The following BTBD10 variants were observed in gnomAD, a reference collection of about 807,000 sequenced individuals.
BTBD10 encodes the protein BTB/POZ domain-containing protein 10.
BTBD10 carries 21 observed loss-of-function variants against 53.2 expected under a neutral mutation model. That is an observed-to-expected ratio of 0.39 (90% CI 0.28 to 0.57). The LOEUF is 0.57. Ranked by LOEUF, BTBD10 falls within the 20% of genes least tolerant of loss-of-function variation. The pLI is 0.53. For synonymous variants in BTBD10, 149 were observed against 192.7 expected (o/e 0.77, Z 1.88); for missense variants, 360 against 594.7 (o/e 0.61, Z 4.10).
chr11:13,435,721 G>GAC (rs2134009344), intron 2 of BTBD10, among the ~76,000 whole-genome samples: 1 of 152,230 alleles, frequency 6.6e-6, no homozygotes, highest in Non-Finnish European at 1.5e-5. Flanking sequence ...TTGAACTCCT[G>GAC]ACCTTGTGAT....
chr11:13,413,355 AAGG>A (rs1182754794), intron 6 of BTBD10, among the ~76,000 whole-genome samples, 172 bp downstream of exon 6: 1 of 152,220 alleles, frequency 6.6e-6, no homozygotes, highest in Non-Finnish European at 1.5e-5. Flanking sequence ...AAAATTGCAC[AAGG>A]AGATCATCAA....
intron 4 of BTBD10, among the ~76,000 whole-genome samples, chr11:13,418,996 G>C (rs1293994774): frequency 1.2e-5 from 1 of 80,614 alleles, no homozygotes; most frequent in African/African-American, 4.7e-5. Flanking sequence ...TTTTTTAAAA[G>C]TATCTACATC....
Position 13,389,032 on chromosome 11 carries a change from T to C in BTBD10, c.1227A>G (p.Glu409=), listed in dbSNP as rs144141685. The C allele has an allele frequency of 3.0e-5, 48 of 1,613,950 alleles. No homozygotes were observed. In the African/African-American group the frequency reaches 6.3e-4, roughly 21 times the overall value. ...PFIRMSWEKE[E]GKSRHVDFQC... Reference sequence around the variant, plus strand: ...GAAAGTCTACATGCCGACTCTTTCCTTCTTCCTTCTCCCAGGACATTCGAA... The same window carrying C: ...GAAAGTCTACATGCCGACTCTTTCCCTCTTCCTTCTCCCAGGACATTCGAA... The change falls in exon 9 of 9, where the codon GAA becomes GAG. Residue 409 remains glutamate (E), a synonymous_variant. Coordinates refer to ENST00000278174, the MANE Select transcript of BTBD10 (RefSeq NM_032320.7).
intron 2 of BTBD10, among the ~76,000 whole-genome samples, chr11:13,430,945 T>C (rs1950435457): frequency 6.8e-6 from 1 of 147,978 alleles, no homozygotes; most frequent in Non-Finnish European, 1.5e-5. Context: ...CTCATTATCC[T>C]AATTATGGTA....
chr11:13,421,797 T>C lies in BTBD10; in HGVS notation c.143A>G (p.Lys48Arg). 1 of 1,613,896 alleles carries C rather than the reference T, an allele frequency of 6.2e-7. No individual in the cohort carries two copies. The highest frequency in any genetic ancestry group is 8.5e-7 in the Non-Finnish European group (1 of 1,179,882). Residue 48 changes from lysine to arginine, a missense_variant, in exon 3 of 9, where the codon AAA becomes AGA. Lys to Arg is a conservative substitution (Grantham distance 26). Coordinates refer to ENST00000278174, the MANE Select transcript of BTBD10 (RefSeq NM_032320.7). ...RIAKGGVDHT[K>R]MSLHGASGGH... ...CCCACTAGCACCATGTAGACTCATTTTGGTGTGGTCAACTCCTCCTTTAGC... is the reference window on the plus strand; with the variant it reads ...CCCACTAGCACCATGTAGACTCATTCTGGTGTGGTCAACTCCTCCTTTAGC...
intron 1 of BTBD10, chr11:13,462,620 A>G (rs1951124621): frequency 6.6e-6 from 1 of 152,236 alleles, no homozygotes; most frequent in South Asian, 2.1e-4. Flanking sequence ...ACAAAGCTTT[A>G]CCACACGTAA....
intron 6 of BTBD10, among the ~76,000 whole-genome samples, chr11:13,412,395 G>A (rs1022268209): frequency 1.6e-4 from 25 of 152,134 alleles, no homozygotes; most frequent in African/African-American, 6.0e-4. Flanking sequence ...AGAGGTTGCA[G>A]TGAGCTGAGA....
intron 4 of BTBD10, among the ~76,000 whole-genome samples, chr11:13,418,629 T>C (rs1212069530): frequency 6.6e-6 from 1 of 152,096 alleles, no homozygotes; most frequent in Non-Finnish European, 1.5e-5. Flanking sequence ...CAAAAATGTA[T>C]GCAATATCAC....
intron 1 of BTBD10, among the ~76,000 whole-genome samples, chr11:13,461,988 T>C (rs1395478616): frequency 6.6e-6 from 1 of 152,030 alleles, no homozygotes; most frequent in Non-Finnish European, 1.5e-5. Context: ...TCCCAAGTAT[T>C]TTCTACTGCT....
At chr11:13,456,105 T>C (rs1950962272) in intron 1 of BTBD10, among the ~76,000 whole-genome samples, 1 of 152,176 alleles carries the variant, frequency 6.6e-6, no homozygotes. Context: ...AAAGAAACAT[T>C]TTACACATCT....
At chr11:13,427,142 C>T (rs1218462853) in intron 2 of BTBD10, among the ~76,000 whole-genome samples, 1 of 152,000 alleles carries the variant, frequency 6.6e-6, no homozygotes, top group Admixed American at 6.6e-5. Context: ...ACTTGAGCCT[C>T]GGAGGTCAAG....
chr11:13,401,614 T>C (rs1010393694), intron 8 of BTBD10, among the ~76,000 whole-genome samples: 1 of 152,178 alleles, frequency 6.6e-6, no homozygotes, highest in African/African-American at 2.4e-5. Flanking sequence ...TAATATTTGA[T>C]TATCACAACT....
intron 8 of BTBD10, among the ~76,000 whole-genome samples, chr11:13,401,747 G>A (rs1949719550): frequency 6.6e-6 from 1 of 152,160 alleles, no homozygotes; most frequent in South Asian, 2.1e-4. Context: ...GAAAGGCTGA[G>A]GGACTTACCT....
intron 8 of BTBD10, among the ~76,000 whole-genome samples, chr11:13,390,290 G>A (rs879789335): frequency 6.6e-6 from 1 of 152,040 alleles, no homozygotes; most frequent in Non-Finnish European, 1.5e-5. Context: ...TTTTCACTCT[G>A]CCACTGTAAA....
At chr11:13,413,273 T>C (rs529567639) in intron 6 of BTBD10, among the ~76,000 whole-genome samples, 10 of 152,124 alleles carry the variant, frequency 6.6e-5, no homozygotes, top group African/African-American at 2.4e-4. Context: ...AAATAAATAA[T>C]ATAGAAAACT....
In BTBD10 at chr11:13,432,763, T is replaced by C. The variant is rs1452237521; in HGVS notation, c.102-10925A>G. Reference sequence around the variant, plus strand: ...AATTTTTACAAAGTTACTAGAAGGGTTGAAAGAAAATACTGAATATATCCT... The same window carrying C: ...AATTTTTACAAAGTTACTAGAAGGGCTGAAAGAAAATACTGAATATATCCT... On this transcript the variant is annotated intron_variant, in intron 2 of 8. Transcript: ENST00000278174. Among the ~76,000 whole-genome samples, 9 of 151,800 alleles carry C rather than the reference T, an allele frequency of 5.9e-5. No individual in the cohort carries two copies. In the East Asian group the frequency reaches 1.5e-3, roughly 26 times the overall value.
At chr11:13,396,468 C>A (rs1949554051) in intron 8 of BTBD10, among the ~76,000 whole-genome samples, 2 of 152,298 alleles carry the variant, frequency 1.3e-5, no homozygotes, top group East Asian at 3.9e-4. Context: ...TCTAGATATA[C>A]AATCATGTCA....
intron 2 of BTBD10, among the ~76,000 whole-genome samples, chr11:13,423,677 CT>C (rs772757497): frequency 6.6e-6 from 1 of 152,138 alleles, no homozygotes; most frequent in Non-Finnish European, 1.5e-5. Context: ...AAAACAAAAT[CT>C]TTCAGTGTCT....
chr11:13,410,880 G>T (rs1460265955), intron 6 of BTBD10, among the ~76,000 whole-genome samples: 1 of 152,188 alleles, frequency 6.6e-6, no homozygotes, highest in African/African-American at 2.4e-5. Context: ...ACACAAAAGT[G>T]TGAATAAATG....
Sources: allele counts gnomAD v4.1 joint callset (sites outside exome capture counted in the v4.1 genomes callset), GRCh38; gene constraint gnomAD v4.1.1; transcripts MANE v1.5; gene names NCBI Gene and HGNC (gene_info 2026-07-23, HGNC 2026-07-21).